Variants in COL20A1 observed in about 807,000 individuals in gnomAD.
COL20A1 encodes collagen alpha-1(XX) chain.
A neutral mutation model predicts 152.9 loss-of-function variants in COL20A1; 164 were observed. The ratio of observed to expected loss-of-function variants is 1.07; its 90% CI spans 0.94 to 1.22. The LOEUF (loss-of-function observed/expected upper bound fraction) is 1.22, where lower values mean the gene tolerates loss of function less well. COL20A1 is among the 50% of genes most tolerant of loss of function. The pLI, the probability that COL20A1 is intolerant of heterozygous loss-of-function variation, is 0.00. For synonymous variants in COL20A1, 864 were observed against 756.0 expected, an observed-to-expected ratio of 1.14 and a Z score of -2.34; for missense variants, 1,873 against 1,744.8, an observed-to-expected ratio of 1.07 and a Z score of -1.31.
rs183105977 is a variant in COL20A1, at chr20:63,295,100, C to T, written c.-8C>T. 2.7e-3 allele frequency: 4,144 copies of T among 1,547,116 alleles called. 121 individuals carry two copies. Among genetic ancestry groups the T allele is most frequent in the Non-Finnish European group, 3.5e-4 (402 of 1,144,622 alleles). Reference sequence around the variant, plus strand: ...GCATGGCCTCTTCCCTGCCACAGCCCGAGCACCATGAGCTCCGGAGACCCT... The same window carrying T: ...GCATGGCCTCTTCCCTGCCACAGCCTGAGCACCATGAGCTCCGGAGACCCT... On this transcript the variant is annotated splice_region_variant and 5_prime_UTR_variant, in exon 2 of 36. Coordinates refer to ENST00000358894, the MANE Select transcript of COL20A1 (RefSeq NM_020882.4).
chr20:63,329,403 G>A, intron 34 of COL20A1, 182 bp from the exon 35 acceptor site: 2 of 545,664 alleles, frequency 3.7e-6, no homozygotes, highest in Non-Finnish European at 6.5e-6. Context: ...TGGAGCCCAG[G>A]AGGCGCCTGT....
At chr20:63,312,296 AT>A in intron 14 of COL20A1, 123 bp from the exon 15 acceptor site, 1 of 1,243,644 alleles carries the variant, frequency 8.0e-7, no homozygotes, top group South Asian at 1.7e-5. Context: ...GGACAAGCCC[AT>A]TTTCCCCGTT....
intron 27 of COL20A1, among the ~76,000 whole-genome samples, chr20:63,323,740 C>T (rs2068203510): frequency 6.6e-6 from 1 of 152,234 alleles, no homozygotes; most frequent in Admixed American, 6.5e-5. Flanking sequence ...GAGGGCTGTG[C>T]TGCTTAAATT....
chr20:63,317,465 T>TAA (rs78678381), intron 21 of COL20A1, among the ~76,000 whole-genome samples: 33 of 114,542 alleles, frequency 2.9e-4, no homozygotes, highest in Non-Finnish European at 4.7e-4. Context: ...CTCCGTCCCT[T>TAA]AAAAAAAAAA....
chr20:63,327,083 G>A (rs748713402), intron 31 of COL20A1: 31 of 412,808 alleles, frequency 7.5e-5, no homozygotes, highest in Middle Eastern at 3.6e-4. Flanking sequence ...ACTTCCTGTC[G>A]CTCTCCCAGG....
chr20:63,300,079 C>T (rs2067847170), intron 3 of COL20A1, among the ~76,000 whole-genome samples: 2 of 152,038 alleles, frequency 1.3e-5, no homozygotes, highest in Admixed American at 6.6e-5. Context: ...CTGTACCTGG[C>T]CTATCCCCTT....
intron 28 of COL20A1, 43 bp from the exon 29 acceptor site, chr20:63,325,625 T>C (rs2068234630): frequency 6.3e-7 from 1 of 1,590,296 alleles, no homozygotes; most frequent in African/African-American, 1.3e-5. Context: ...CCTCTGGATG[T>C]GACCCTGGCC....
rs1309172324 is a variant in COL20A1, at chr20:63,332,225, G to A, written c.*1509G>A. The A allele has an allele frequency of 1.3e-5, 2 of 152,464 alleles. No homozygotes were observed. The highest frequency in any genetic ancestry group is 4.1e-4 in the South Asian group (2 of 4,826). 9.4% of individuals were successfully genotyped at this position (152,464 alleles called of 1,614,324 possible). ...GTAGGTGCAGGTAAAGCAGCATCTGGGGCAGAGTTATAGCCTTCAGTGCAG... is the reference window on the plus strand; with the variant it reads ...GTAGGTGCAGGTAAAGCAGCATCTGAGGCAGAGTTATAGCCTTCAGTGCAG... On this transcript the variant is annotated 3_prime_UTR_variant, in exon 36 of 36. Transcript: ENST00000358894.
In COL20A1 at chr20:63,305,672, A is replaced by G. The variant is rs577032699; in HGVS notation, c.337+112A>G. The G allele has an allele frequency of 1.6e-6, 2 of 1,279,880 alleles. No homozygotes were observed. The highest frequency in any genetic ancestry group is 2.5e-5 in the East Asian group (1 of 39,460). 79.3% of individuals were successfully genotyped at this position (1,279,880 alleles called of 1,614,324 possible). A position where few individuals can be genotyped will look rare whatever the true frequency, so the allele number is the denominator to read the frequency against. Reference sequence around the variant, plus strand: ...CTGCGTTCCAGCCCCAGGGGTGGGTATGTGTGAAGCAGTTCTGGGCTGTGC... The same window carrying G: ...CTGCGTTCCAGCCCCAGGGGTGGGTGTGTGTGAAGCAGTTCTGGGCTGTGC... On this transcript the variant is annotated intron_variant, in intron 4 of 35. Transcript: ENST00000358894. The surrounding 1 kb of genome is among the most constrained non-coding windows in gnomAD (Gnocchi z 4.9).
intron 3 of COL20A1, among the ~76,000 whole-genome samples, chr20:63,302,292 A>T (rs1245772441): frequency 6.6e-6 from 1 of 152,210 alleles, no homozygotes; most frequent in Non-Finnish European, 1.5e-5. Flanking sequence ...TTAGTTGTGT[A>T]GAGTTTTCTA....
intron 34 of COL20A1, chr20:63,329,199 G>A: frequency 4.5e-6 from 1 of 224,288 alleles, no homozygotes; most frequent in Non-Finnish European, 8.8e-6. Flanking sequence ...AGCCCCGTGG[G>A]CTGTGGGAAC....
At position 63,307,987 on chromosome 20, in the gene COL20A1, C is replaced by T. The variant is rs376138467; in HGVS notation, c.672C>T (p.Ser224=). 34 of 1,612,558 alleles carry T rather than the reference C, an allele frequency of 2.1e-5. No homozygotes were observed. The highest frequency in any genetic ancestry group is 1.7e-4 in the Middle Eastern group (1 of 6,058). ...DKVQVGLTQY[S]GDAQTEWDLN... is the part of the protein sequence containing the mutation. ...GCTCCCCAGGCCTGACTCAGTACAG[C>T]GGGGATGCTCAGACTGAGTGGGACC... The change falls in exon 7 of 36, where the codon AGC becomes AGT. Residue 224 remains serine, a synonymous_variant. Coordinates refer to ENST00000358894, the MANE Select transcript of COL20A1 (RefSeq NM_020882.4).
At chr20:63,326,655 A>T (rs547501115) in intron 30 of COL20A1, 97 bp from the exon 31 acceptor site, 6 of 778,776 alleles carry the variant, frequency 7.7e-6, no homozygotes, top group Admixed American at 3.9e-5. Flanking sequence ...CGCCCTTGTC[A>T]GGTCAGGGGG....
Position 63,328,521 on chromosome 20 carries a change from G to A in COL20A1, c.3781+23G>A, listed in dbSNP as rs750190396. The A allele has an allele frequency of 7.5e-6, 12 of 1,593,528 alleles. No homozygotes were observed. The East Asian group carries it at 2.2e-4, about 30-fold the overall frequency. On this transcript the variant is annotated intron_variant, in intron 34 of 35. Coordinates refer to ENST00000358894, the MANE Select transcript of COL20A1 (RefSeq NM_020882.4). ...GAGGTACTGGGCTCCTGGCTCTTGG[G>A]GAGGGAGTTGTGGCCGGTGGGGGCG...
intron 3 of COL20A1, among the ~76,000 whole-genome samples, chr20:63,304,685 C>T (rs1454406304): frequency 6.7e-6 from 1 of 150,236 alleles, no homozygotes; most frequent in Non-Finnish European, 1.5e-5. Context: ...GGGTTCCTCC[C>T]TCCTCTTCTC....
intron 31 of COL20A1, chr20:63,327,088 CCCAGGGACTTCCTGTTGACTG>C (rs1054329255): frequency 4.2e-5 from 17 of 406,322 alleles, no homozygotes; most frequent in Non-Finnish European, 6.6e-5. Context: ...CTGTCGCTCT[CCCAGGGACTTCCTGTTGACTG>C]CCAGGGACTT....
intron 14 of COL20A1, 21 bp from the exon 15 acceptor site, chr20:63,312,399 T>C: frequency 6.5e-7 from 1 of 1,545,254 alleles, no homozygotes; most frequent in Non-Finnish European, 8.7e-7. Context: ...GCCTGCCATG[T>C]CGCCCTCCCA....
In COL20A1 at chr20:63,307,955, T is replaced by C; in HGVS notation, c.656-16T>C. 15 of 1,610,982 alleles carry C rather than the reference T, an allele frequency of 9.3e-6. No individual in the cohort carries two copies. The highest frequency in any genetic ancestry group is 2.2e-5 in the East Asian group (1 of 44,850). ...GCATTGGAAACTCAGCCCGTGGCCA[T>C]GCCCCTGCTCCCCAGGCCTGACTCA... On this transcript the variant is annotated splice_polypyrimidine_tract_variant and intron_variant, in intron 6 of 35. Transcript: ENST00000358894.
chr20:63,305,164 C>T lies in COL20A1; in HGVS notation c.194-253C>T, dbSNP rs2067907407. 6.6e-6 allele frequency among the ~76,000 whole-genome samples: 1 copy of T among 152,142 alleles called. No individual in the cohort carries two copies. Among genetic ancestry groups the T allele is most frequent in the Admixed American group, 6.5e-5 (1 of 15,276 alleles). ...GAGGGTTGATGGCTTCTCACCTCAC[C>T]ATGCGGCGGATTCCTCTAGGGGGGT... On this transcript the variant is annotated intron_variant, in intron 3 of 35. Coordinates refer to ENST00000358894, the MANE Select transcript of COL20A1 (RefSeq NM_020882.4). The surrounding 1 kb of genome is among the most constrained non-coding windows in gnomAD (Gnocchi z 4.9).
Sources: gnomAD v4.1 joint callset for allele counts (sites outside exome capture counted in the v4.1 genomes callset) on GRCh38, gnomAD v4.1.1 for gene constraint, Gnocchi (gnomAD v3.1) non-coding constraint, MANE v1.5 for transcripts, NCBI Gene and HGNC (gene_info 2026-07-23, HGNC 2026-07-21) for gene names.